FHAD1: variants seen among roughly 807,000 people sequenced by gnomAD.
FHAD1 encodes the protein forkhead associated phosphopeptide binding domain 1.
A neutral mutation model predicts 191.3 loss-of-function variants in FHAD1; 146 were observed. The ratio of observed to expected loss-of-function variants is 0.76; its 90% CI spans 0.67 to 0.88. FHAD1 has a LOEUF of 0.88. Ranked by LOEUF, FHAD1 falls within the 40% of genes least tolerant of loss-of-function variation. The pLI is 0.00. For synonymous variants in FHAD1, 616 were observed against 672.3 expected, an observed-to-expected ratio of 0.92 and a Z score of 1.29; for missense variants, 1,635 against 1,785.8, an observed-to-expected ratio of 0.92 and a Z score of 1.52.
At chr1:15,351,763 G>C (rs1239405211) in intron 19 of FHAD1, among the ~76,000 whole-genome samples, 1 of 151,930 alleles carries the variant, frequency 6.6e-6, no homozygotes, top group African/African-American at 2.4e-5. Flanking sequence ...GGCACAGATT[G>C]GACCATCTTA....
chr1:15,259,817 TG>T (rs2100964538), intron 2 of FHAD1, among the ~76,000 whole-genome samples: 1 of 152,252 alleles, frequency 6.6e-6, no homozygotes, highest in South Asian at 2.1e-4. Flanking sequence ...CAGACCAAGC[TG>T]GAGCTGCCTC....
Position 15,329,751 on chromosome 1 carries a change from A to C in FHAD1, c.1906+210A>C. ...CAAGTGAGACACGATAACTGAAGAAAAATGAAACAAAACAGAGGCAAAAGG... is the reference window on the plus strand; with the variant it reads ...CAAGTGAGACACGATAACTGAAGAACAATGAAACAAAACAGAGGCAAAAGG... On this transcript the variant is annotated intron_variant, in intron 14 of 33. Coordinates refer to ENST00000688493, the MANE Select transcript of FHAD1 (RefSeq NM_001391957.1). The surrounding 1 kb of genome is among the most constrained non-coding windows in gnomAD (Gnocchi z 5.0). 1 of 505,498 alleles carries C rather than the reference A, an allele frequency of 2.0e-6. No individual in the cohort carries two copies. The highest frequency in any genetic ancestry group is 3.5e-6 in the Non-Finnish European group (1 of 282,002). 31.3% of individuals were successfully genotyped at this position (505,498 alleles called of 1,614,324 possible). A position where few individuals can be genotyped will look rare whatever the true frequency, so the allele number is the denominator to read the frequency against.
Position 15,301,196 on chromosome 1 carries a change from T to C in FHAD1, c.679-9T>C. 6.4e-7 allele frequency: 1 copy of C among 1,551,278 alleles called. No homozygotes were observed. Among genetic ancestry groups the C allele is most frequent in the South Asian group, 1.2e-5 (1 of 84,036 alleles). On this transcript the variant is annotated splice_polypyrimidine_tract_variant and intron_variant, in intron 5 of 33. Coordinates refer to ENST00000688493, the MANE Select transcript of FHAD1 (RefSeq NM_001391957.1). ...CACCTAGTAAGCCTCCCATCTGATC[T>C]CTACCCAGGATGAAATAATTCTGCT... is the stretch of plus-strand genomic sequence containing the variant.
chr1:15,333,126 G>T (rs1682413926), intron 14 of FHAD1, among the ~76,000 whole-genome samples: 1 of 152,148 alleles, frequency 6.6e-6, no homozygotes, highest in African/African-American at 2.4e-5. Flanking sequence ...CAGTAAGCAG[G>T]GCCCATCTTT....
At chr1:15,355,481 C>T (rs995689203) in intron 20 of FHAD1, among the ~76,000 whole-genome samples, 1 of 152,186 alleles carries the variant, frequency 6.6e-6, no homozygotes, top group Non-Finnish European at 1.5e-5. Flanking sequence ...CGCATGGGAC[C>T]GGTGAACTTT....
intron 5 of FHAD1, among the ~76,000 whole-genome samples, chr1:15,297,058 AG>A (rs766838362): frequency 6.6e-6 from 1 of 152,254 alleles, no homozygotes; most frequent in Non-Finnish European, 1.5e-5. Flanking sequence ...TCTTCAAAAT[AG>A]GTTTTTTAAA....
intron 4 of FHAD1, among the ~76,000 whole-genome samples, chr1:15,294,340 C>A (rs958148516): frequency 1.3e-5 from 2 of 152,206 alleles, no homozygotes; most frequent in Non-Finnish European, 2.9e-5. Context: ...GTCAGGGTTT[C>A]TCAATCTCGG....
intron 4 of FHAD1, among the ~76,000 whole-genome samples, chr1:15,290,947 C>T (rs1664485509): frequency 6.6e-6 from 1 of 152,060 alleles, no homozygotes; most frequent in Non-Finnish European, 1.5e-5. Context: ...ATCTCCTGAC[C>T]TTGTGATCCG....
At chr1:15,243,737 C>T (rs141983040), upstream of FHAD1, among the ~76,000 whole-genome samples, 128 of 152,356 alleles carry the variant, frequency 8.4e-4, 1 homozygote, top group African/African-American at 2.3e-3. Flanking sequence ...CCCTTCACTC[C>T]CTGCCCTGGG....
intron 3 of FHAD1, among the ~76,000 whole-genome samples, chr1:15,287,911 C>G: frequency 6.6e-6 from 1 of 152,122 alleles, no homozygotes; most frequent in East Asian, 1.9e-4. Flanking sequence ...TGTCCTTTTC[C>G]TCATTGTGTG....
chr1:15,304,855 A>C (rs1175080107), intron 6 of FHAD1, among the ~76,000 whole-genome samples: 2 of 152,006 alleles, frequency 1.3e-5, no homozygotes, highest in African/African-American at 4.8e-5. Context: ...TAATTCTACC[A>C]CCGAGTCATA....
At chr1:15,296,869 G>T (rs1162474355) in intron 5 of FHAD1, 76 bp downstream of exon 5, 2 of 1,211,786 alleles carry the variant, frequency 1.7e-6, no homozygotes, top group African/African-American at 1.5e-5. Context: ...TGCCTGTTCT[G>T]TGTGGCCCAG....
chr1:15,393,415 G>GACACACACACACACGC (rs751704130), intron 33 of FHAD1, among the ~76,000 whole-genome samples: 41 of 127,760 alleles, frequency 3.2e-4, no homozygotes, highest in Non-Finnish European at 5.6e-4. Flanking sequence ...CATAGATGTG[G>GACACACACACACACGC]ACACACACAC....
chr1:15,339,837 A>T (rs1558158532), intron 15 of FHAD1, among the ~76,000 whole-genome samples: 1 of 147,678 alleles, frequency 6.8e-6, no homozygotes, highest in Non-Finnish European at 1.5e-5. Flanking sequence ...ATGCCATCAG[A>T]TTTTTTTTTT....
intron 3 of FHAD1, among the ~76,000 whole-genome samples, chr1:15,280,986 C>T (rs988152102): frequency 2.0e-5 from 3 of 152,156 alleles, no homozygotes; most frequent in Non-Finnish European, 4.4e-5. Flanking sequence ...AGTTCTAAAA[C>T]GTGGAAATAG....
At chr1:15,343,722 A>G (rs1687733009) in intron 16 of FHAD1, 1 of 152,226 alleles carries the variant, frequency 6.6e-6, no homozygotes, top group African/African-American at 2.4e-5. Context: ...GGGCATTTAG[A>G]TACGGAAAAA....
chr1:15,383,340 C>A, intron 31 of FHAD1: 1 of 432,208 alleles, frequency 2.3e-6, no homozygotes. Context: ...AGCCGGCGGA[C>A]ACTGCCTTCC....
intron 15 of FHAD1, among the ~76,000 whole-genome samples, chr1:15,340,982 G>C (rs1205063304): frequency 2.0e-5 from 3 of 152,074 alleles, no homozygotes; most frequent in Non-Finnish European, 4.4e-5. Flanking sequence ...AGGAGTTCGA[G>C]ACCAGCCTGG....
chr1:15,304,955 G>T (rs1034118096), intron 6 of FHAD1, among the ~76,000 whole-genome samples: 2 of 150,312 alleles, frequency 1.3e-5, no homozygotes, highest in African/African-American at 4.8e-5. Flanking sequence ...TGCATTGTCG[G>T]GGTCCCCCCC....
Sources: gnomAD v4.1 joint callset for allele counts (sites outside exome capture counted in the v4.1 genomes callset) on GRCh38, gnomAD v4.1.1 for gene constraint, Gnocchi (gnomAD v3.1) non-coding constraint, MANE v1.5 for transcripts, NCBI Gene and HGNC (gene_info 2026-07-23, HGNC 2026-07-21) for gene names.